Variants in ADCY9 observed in about 807,000 individuals in gnomAD.
ADCY9 encodes the protein adenylate cyclase 9.
ADCY9 carries 50 observed loss-of-function variants against 101.5 expected under a neutral mutation model. That is an observed-to-expected ratio of 0.49 (90% confidence interval 0.39 to 0.62). The LOEUF (loss-of-function observed/expected upper bound fraction) is 0.62, where lower values mean the gene tolerates loss of function less well. ADCY9 is among the 20% of genes least tolerant of loss of function. The pLI, the probability that ADCY9 is intolerant of heterozygous loss-of-function variation, is 0.00. For synonymous variants in ADCY9, 905 were observed against 769.3 expected (o/e 1.18, Z -2.92); for missense variants, 1,662 against 1,800.4 (o/e 0.92, Z 1.39).
chr16:4,087,180 C>T (rs2056944356), intron 2 of ADCY9, among the ~76,000 whole-genome samples: 1 of 151,976 alleles, frequency 6.6e-6, no homozygotes, highest in African/African-American at 2.4e-5. Context: ...GGAGTTTCCT[C>T]TTTTATGGTG....
intron 2 of ADCY9, among the ~76,000 whole-genome samples, chr16:4,063,185 C>A (rs1018919303): frequency 6.6e-6 from 1 of 151,876 alleles, no homozygotes; most frequent in African/African-American, 2.4e-5. Flanking sequence ...AAATCAAGAA[C>A]AGAAATAAAT....
chr16:3,993,647 G>A (rs920691441), intron 3 of ADCY9, 137 bp from the exon 4 acceptor site: 14 of 1,099,198 alleles, frequency 1.3e-5, no homozygotes, highest in African/African-American at 3.1e-5. Flanking sequence ...AACCGCTCGG[G>A]GATGAGCTGA....
At chr16:4,081,796 G>A (rs1423363675) in intron 2 of ADCY9, among the ~76,000 whole-genome samples, 4 of 146,194 alleles carry the variant, frequency 2.7e-5, no homozygotes. Flanking sequence ...GCAGGGGCGT[G>A]TGGGTAAGAG....
intron 6 of ADCY9, among the ~76,000 whole-genome samples, chr16:3,986,888 A>G (rs895395755): frequency 6.6e-6 from 1 of 152,124 alleles, no homozygotes; most frequent in Non-Finnish European, 1.5e-5. Context: ...GAGCTGTGTG[A>G]TCTTTGTAAC....
intron 2 of ADCY9, among the ~76,000 whole-genome samples, chr16:4,026,294 G>A (rs375112111): frequency 4.0e-4 from 61 of 151,908 alleles, no homozygotes; most frequent in Non-Finnish European, 7.4e-4. Flanking sequence ...GCATGGTGGC[G>A]TCACCTGTAG....
At chr16:4,066,619 A>C (rs1597204939) in intron 2 of ADCY9, among the ~76,000 whole-genome samples, 1 of 152,186 alleles carries the variant, frequency 6.6e-6, no homozygotes, top group Admixed American at 6.5e-5. Flanking sequence ...GCCTGGGCTC[A>C]GGTGATCCTC....
In ADCY9 at chr16:4,114,426, T is replaced by C. The variant is rs773149629; in HGVS notation, c.1017A>G (p.Pro339=). 1.4e-5 allele frequency: 22 copies of C among 1,614,198 alleles called. No individual in the cohort carries two copies. Among genetic ancestry groups the C allele is most frequent in the Non-Finnish European group, 1.9e-5 (22 of 1,180,050 alleles). ...LKERMIHSVM[P]RIIADDLMKQ... is the part of the protein sequence containing the mutation. ...TCATTAAGTCATCGGCTATGATTCT[T>C]GGCATCACGGAATGAATCATCCTCT... is the stretch of plus-strand genomic sequence containing the variant. The change falls in exon 2 of 11, where the codon CCA becomes CCG. Residue 339 remains proline, a synonymous_variant. Transcript: ENST00000294016. The surrounding 1 kb of genome is among the most constrained non-coding windows in gnomAD (Gnocchi z 4.3).
intron 10 of ADCY9, among the ~76,000 whole-genome samples, chr16:3,972,199 G>T (rs898879160): frequency 6.6e-6 from 1 of 151,600 alleles, no homozygotes; most frequent in Non-Finnish European, 1.5e-5. Context: ...AAATAGCAAA[G>T]ATCCACTTCA....
At chr16:3,979,956 T>A (rs1403423904) in intron 7 of ADCY9, among the ~76,000 whole-genome samples, 2 of 104,410 alleles carry the variant, frequency 1.9e-5, no homozygotes, top group African/African-American at 2.9e-5. Context: ...GGAAACTGAG[T>A]GACAGTGGTC....
chr16:4,094,821 A>C (rs1341199423), intron 2 of ADCY9, among the ~76,000 whole-genome samples: 3 of 152,128 alleles, frequency 2.0e-5, no homozygotes, highest in Admixed American at 1.3e-4. Flanking sequence ...ACACACACAG[A>C]AACTCAGGAG....
intron 8 of ADCY9, 28 bp from the exon 9 acceptor site, chr16:3,977,658 C>T (rs370600219): frequency 8.8e-5 from 140 of 1,594,242 alleles, no homozygotes; most frequent in African/African-American, 2.0e-4. Flanking sequence ...TTAGGACAGC[C>T]GCCCAGGGCC....
downstream of ADCY9, among the ~76,000 whole-genome samples, chr16:3,959,248 C>T (rs894442250): frequency 1.3e-5 from 2 of 151,632 alleles, no homozygotes; most frequent in Admixed American, 6.6e-5. Context: ...GTAGTCCTTG[C>T]TACTTAGGAG....
chr16:4,061,890 C>G (rs551137275), intron 2 of ADCY9, among the ~76,000 whole-genome samples: 1 of 152,300 alleles, frequency 6.6e-6, no homozygotes, highest in East Asian at 1.9e-4. Context: ...TAACTACAGA[C>G]TTTTACTACT....
Position 4,084,551 on chromosome 16 carries a change from C to T in ADCY9, c.1693+29199G>A, listed in dbSNP as rs1271363960. Among the ~76,000 whole-genome samples the T allele has an allele frequency of 2.6e-5, 4 of 151,956 alleles. 1 individual carries two copies. Among genetic ancestry groups the T allele is most frequent in the Non-Finnish European group, 5.9e-5 (4 of 67,968 alleles). On this transcript the variant is annotated intron_variant, in intron 2 of 10. Coordinates refer to ENST00000294016, the MANE Select transcript of ADCY9 (RefSeq NM_001116.4). ...AACCAGACTGGACAACACAGTGAGA[C>T]CCCATCTCTACAAAAAATTCAGAAA... is the stretch of plus-strand genomic sequence containing the variant.
At chr16:4,023,669 T>G (rs142702928) in intron 2 of ADCY9, among the ~76,000 whole-genome samples, 2 of 152,096 alleles carry the variant, frequency 1.3e-5, no homozygotes, top group African/African-American at 4.8e-5. Flanking sequence ...TCCCAGCACT[T>G]TGGGAGGCCG....
In ADCY9 at chr16:4,097,453, CATATATAT is replaced by C. The variant is rs71394653; in HGVS notation, c.1693+16289_1693+16296del. On this transcript the variant is annotated intron_variant, in intron 2 of 10. Coordinates refer to ENST00000294016, the MANE Select transcript of ADCY9 (RefSeq NM_001116.4). ...AACAGGGTACTCACATGTGGAGTTACATATATATATATATATATATATATATATATATA... is the reference window on the plus strand; with the variant it reads ...AACAGGGTACTCACATGTGGAGTTACATATATATATATATATATATATATA... Among the ~76,000 whole-genome samples the C allele has an allele frequency of 1.7e-3, 119 of 71,074 alleles. 3 individuals carry two copies. The highest frequency in any genetic ancestry group is 4.9e-3 in the African/African-American group (93 of 18,984). 46.6% of individuals were successfully genotyped at this position (71,074 alleles called of 152,430 possible).
intron 2 of ADCY9, among the ~76,000 whole-genome samples, chr16:4,042,538 T>G (rs557033913): frequency 6.6e-6 from 1 of 152,352 alleles, no homozygotes; most frequent in East Asian, 1.9e-4. Context: ...AAAATAGGAT[T>G]TAATTTTAGA....
At chr16:4,085,196 T>C (rs2056929907) in intron 2 of ADCY9, among the ~76,000 whole-genome samples, 1 of 152,118 alleles carries the variant, frequency 6.6e-6, no homozygotes, top group Non-Finnish European at 1.5e-5. Flanking sequence ...ACCCTGTCTC[T>C]ACTAAAAATA....
downstream of ADCY9, among the ~76,000 whole-genome samples, chr16:3,958,058 T>TG (rs893477032): frequency 3.9e-5 from 6 of 151,944 alleles, no homozygotes; most frequent in East Asian, 5.8e-4. Context: ...GTGCCAGGGC[T>TG]GGGGGGGATT....
Sources: gnomAD v4.1 joint callset for allele counts (sites outside exome capture counted in the v4.1 genomes callset) on GRCh38, gnomAD v4.1.1 for gene constraint, Gnocchi (gnomAD v3.1) non-coding constraint, MANE v1.5 for transcripts, NCBI Gene and HGNC (gene_info 2026-07-23, HGNC 2026-07-21) for gene names.